Variants in TMEM163 observed in about 807,000 individuals in gnomAD.
TMEM163 encodes transmembrane protein 163.
In TMEM163, 17 loss-of-function variants were observed where a neutral mutation model predicts 29.3. That is an observed-to-expected ratio of 0.58 (90% CI 0.40 to 0.87). The LOEUF is 0.87. Among genes scored for constraint, TMEM163 ranks in the 40% least tolerant of loss-of-function variants. TMEM163 has a pLI of 0.00. For synonymous variants in TMEM163, 157 were observed against 160.6 expected (o/e 0.98, Z 0.17); for missense variants, 303 against 381.5 (o/e 0.79, Z 1.71).
At chr2:134,500,261 A>C (rs866242838) in intron 5 of TMEM163, among the ~76,000 whole-genome samples, 7 of 152,358 alleles carry the variant, frequency 4.6e-5, no homozygotes, top group African/African-American at 1.4e-4. Context: ...ATTTTGGATT[A>C]CTGCAGGCCA....
At chr2:134,521,349 C>T (rs1019415962) in intron 4 of TMEM163, among the ~76,000 whole-genome samples, 1 of 152,132 alleles carries the variant, frequency 6.6e-6, no homozygotes, top group East Asian at 1.9e-4. Context: ...GGCTCTCAAC[C>T]AGGGTCAATT....
At chr2:134,553,234 GGCCAGT>G (rs1680971442) in intron 2 of TMEM163, among the ~76,000 whole-genome samples, 1 of 152,154 alleles carries the variant, frequency 6.6e-6, no homozygotes, top group South Asian at 2.1e-4. Context: ...GAGGCACAGA[GGCCAGT>G]GCCTACATGG....
intron 2 of TMEM163, among the ~76,000 whole-genome samples, chr2:134,678,577 G>A (rs983960878): frequency 1.3e-5 from 2 of 152,254 alleles, no homozygotes; most frequent in African/African-American, 4.8e-5. Flanking sequence ...TCCGCTGAGA[G>A]GGAGGCTGAA....
In TMEM163 at chr2:134,500,642, TAA is replaced by T. The variant is rs112559247; in HGVS notation, c.555+2257_555+2258del. On this transcript the variant is annotated intron_variant, in intron 5 of 7. Transcript: ENST00000281924. ...TACACAATGGAATACGATTCTGCCA[TAA>T]AAAAAAAAAGTGACATCCTGTCATT... Among the ~76,000 whole-genome samples the T allele has an allele frequency of 9.7e-5, 14 of 145,018 alleles. 1 individual carries two copies. The highest frequency in any genetic ancestry group is 3.0e-4 in the African/African-American group (12 of 39,402).
At chr2:134,536,321 TC>T (rs1368475828) in intron 4 of TMEM163, among the ~76,000 whole-genome samples, 5 of 152,144 alleles carry the variant, frequency 3.3e-5, no homozygotes, top group African/African-American at 1.2e-4. Context: ...CCTTCTGGGC[TC>T]CCCGTCCAGC....
At position 134,456,656 on chromosome 2, in the gene TMEM163, C is replaced by A. The variant is rs1403135749; in HGVS notation, c.*60G>T. The A allele has an allele frequency of 5.7e-6, 9 of 1,579,066 alleles. No homozygotes were observed. The East Asian group carries it at 2.0e-4, about 35-fold the overall frequency. ...AACCAGATGTTCAGTTAAATATTGG[C>A]ACCCTTTGCCTATGTGGAAACTCCT... On this transcript the variant is annotated 3_prime_UTR_variant, in exon 8 of 8. Coordinates refer to ENST00000281924, the MANE Select transcript of TMEM163 (RefSeq NM_030923.5).
chr2:134,691,679 C>T (rs1187866408), intron 2 of TMEM163, among the ~76,000 whole-genome samples: 1 of 152,160 alleles, frequency 6.6e-6, no homozygotes, highest in African/African-American at 2.4e-5. Context: ...TGCTCATGCC[C>T]ATCTCTTGGC....
chr2:134,670,609 G>A (rs1468354612), intron 2 of TMEM163, among the ~76,000 whole-genome samples: 1 of 152,232 alleles, frequency 6.6e-6, no homozygotes, highest in Admixed American at 6.5e-5. Flanking sequence ...TTCACTGAGA[G>A]CTGCTGGAAT....
intron 2 of TMEM163, among the ~76,000 whole-genome samples, chr2:134,641,900 C>T (rs2104840406): frequency 6.6e-6 from 1 of 152,140 alleles, no homozygotes; most frequent in South Asian, 2.1e-4. Context: ...TATACCATGT[C>T]AACAAGAATC....
intron 2 of TMEM163, among the ~76,000 whole-genome samples, chr2:134,623,672 C>T (rs944512420): frequency 1.3e-5 from 2 of 152,078 alleles, no homozygotes; most frequent in African/African-American, 2.4e-5. Flanking sequence ...GGGGCTGAGG[C>T]AGGAGAACAG....
At chr2:134,551,066 A>G (rs1437350729) in intron 3 of TMEM163, among the ~76,000 whole-genome samples, 1 of 152,174 alleles carries the variant, frequency 6.6e-6, no homozygotes, top group Non-Finnish European at 1.5e-5. Flanking sequence ...TCTGGGGTCC[A>G]GGGCTGGGGG....
At chr2:134,698,356 T>G (rs961754349) in intron 2 of TMEM163, among the ~76,000 whole-genome samples, 37 of 152,330 alleles carry the variant, frequency 2.4e-4, no homozygotes, top group African/African-American at 8.2e-4. Flanking sequence ...GTCTTCAAAT[T>G]TATGGGCATA....
chr2:134,525,317 T>TAACA (rs1297986768), intron 4 of TMEM163, among the ~76,000 whole-genome samples: 1 of 152,226 alleles, frequency 6.6e-6, no homozygotes, highest in Non-Finnish European at 1.5e-5. Flanking sequence ...GCATGCCCCT[T>TAACA]AACAAGCCCT....
intron 5 of TMEM163, among the ~76,000 whole-genome samples, chr2:134,480,970 C>T (rs1422370471): frequency 6.6e-6 from 1 of 152,176 alleles, no homozygotes; most frequent in East Asian, 1.9e-4. Context: ...ATTTCCATGA[C>T]CCCCGAAGTT....
At chr2:134,609,478 AAAGGACAGACCCCGAG>A in intron 2 of TMEM163, among the ~76,000 whole-genome samples, 1 of 91,684 alleles carries the variant, frequency 1.1e-5, no homozygotes, top group African/African-American at 4.5e-5. Flanking sequence ...GTGCTGGTGA[AAAGGACAGACCCCGAG>A]AACTGTACTG....
chr2:134,484,505 T>C (rs1486519945), intron 5 of TMEM163, among the ~76,000 whole-genome samples: 2 of 151,962 alleles, frequency 1.3e-5, no homozygotes, highest in Admixed American at 1.3e-4. Context: ...ACCCCATCTC[T>C]AGGAAATATT....
chr2:134,664,424 C>A (rs1344527191), intron 2 of TMEM163, among the ~76,000 whole-genome samples: 4 of 152,130 alleles, frequency 2.6e-5, no homozygotes, highest in Admixed American at 1.3e-4. Flanking sequence ...CTAATAAATT[C>A]TTGGGTATGA....
intron 2 of TMEM163, among the ~76,000 whole-genome samples, chr2:134,696,389 C>G (rs1334911862): frequency 6.6e-6 from 1 of 152,108 alleles, no homozygotes; most frequent in East Asian, 1.9e-4. Flanking sequence ...TATTCTTAGC[C>G]CTTTATTCCT....
At chr2:134,525,865 T>C (rs592037) in intron 4 of TMEM163, among the ~76,000 whole-genome samples, 73,712 of 152,028 alleles carry the variant, frequency 0.48, 19,446 homozygotes, top group East Asian at 0.72. Context: ...AAAAGCTTTC[T>C]AGAATGTTTC....
Sources: gnomAD v4.1 joint callset for allele counts (sites outside exome capture counted in the v4.1 genomes callset) on GRCh38, gnomAD v4.1.1 for gene constraint, MANE v1.5 for transcripts, NCBI Gene and HGNC (gene_info 2026-07-23, HGNC 2026-07-21) for gene names.